Variants in EPHB3 observed in about 807,000 individuals in gnomAD.
The protein encoded by EPHB3 is EPH receptor B3, also known as ephrin type-B receptor 3.
EPHB3 carries 33 observed loss-of-function variants against 100.2 expected under a neutral mutation model. The ratio of observed to expected loss-of-function variants is 0.33; its 90% confidence interval spans 0.25 to 0.44. The LOEUF (loss-of-function observed/expected upper bound fraction) is 0.44, where lower values mean the gene tolerates loss of function less well. EPHB3 is among the 20% of genes least tolerant of loss of function. EPHB3 has a pLI of 1.00. For synonymous variants in EPHB3, 526 were observed against 554.7 expected (o/e 0.95, Z 0.73); for missense variants, 1,045 against 1,378.3 (o/e 0.76, Z 3.83).
Position 184,577,391 on chromosome 3 carries a change from G to C in EPHB3, c.1403G>C (p.Ser468Thr). 6.2e-7 allele frequency: 1 copy of C among 1,613,940 alleles called. No homozygotes were observed. The highest frequency in any genetic ancestry group is 8.5e-7 in the Non-Finnish European group (1 of 1,180,016). Reference protein sequence around the residue: ...TLRLHSSSGSSLTLSWAPPER... With the variant: ...TLRLHSSSGSTLTLSWAPPER... ...CGCCTGCACAGCAGCTCAGGCAGCA[G>C]CCTCACCCTATCCTGGGCACCCCCA... Residue 468 changes from serine (S) to threonine (T), a missense_variant, in exon 6 of 16, where the codon AGC becomes ACC. Ser to Thr is a moderately conservative substitution (Grantham distance 58, BLOSUM62 1). This residue lies in a region of EPHB3 where 985 missense variants were observed against 1,331.1 expected (regional missense o/e 0.74). Transcript: ENST00000330394. The surrounding 1 kb of genome is among the most constrained non-coding windows in gnomAD (Gnocchi z 4.9).
At chr3:184,575,332 C>G (rs1228953467) in intron 3 of EPHB3, 1 of 730,868 alleles carries the variant, frequency 1.4e-6, no homozygotes, top group Admixed American at 6.3e-5. Flanking sequence ...GAGCTGCTGC[C>G]TGCGCCTGGT....
chr3:184,564,345 T>C (rs987500934), intron 1 of EPHB3, among the ~76,000 whole-genome samples: 6 of 152,312 alleles, frequency 3.9e-5, no homozygotes, highest in African/African-American at 1.2e-4. Context: ...CTCTCTGGTC[T>C]CCAGTTCGTG....
rs9823034 is a variant in EPHB3 at position 184,575,822 on chromosome 3, T to C, written c.857-8T>C. 0.15 allele frequency: 230,254 copies of C among 1,585,982 alleles called. 17,543 individuals are homozygous for C. Among genetic ancestry groups the C allele is most frequent in the East Asian group, 0.19 (8,476 of 44,378 alleles). On this transcript the variant is annotated splice_polypyrimidine_tract_variant and splice_region_variant and intron_variant, in intron 3 of 15. Transcript: ENST00000330394. Reference sequence around the variant, plus strand: ...GGTGAGCCCCATTCATCCTCTTCTCTCCCACAGCCTGTCCCCCTGGGAGCT... The same window carrying C: ...GGTGAGCCCCATTCATCCTCTTCTCCCCCACAGCCTGTCCCCCTGGGAGCT...
intron 1 of EPHB3, among the ~76,000 whole-genome samples, chr3:184,566,273 C>G (rs1298829304): frequency 6.6e-6 from 1 of 152,238 alleles, no homozygotes; most frequent in Admixed American, 6.5e-5. Flanking sequence ...GGATGAGCAC[C>G]GAGGCGTTTG....
rs956295612 is a variant in EPHB3 at position 184,578,688 on chromosome 3, C to A, written c.1801+222C>A. On this transcript the variant is annotated intron_variant, in intron 9 of 15. Coordinates refer to ENST00000330394, the MANE Select transcript of EPHB3 (RefSeq NM_004443.4). The surrounding 1 kb of genome is among the most constrained non-coding windows in gnomAD (Gnocchi z 4.7). ...AAATGACTGAGACGTGACCTCTCCC[C>A]CTAAAGGCAGTTAGTCCTGTGGGAA... 2.6e-5 allele frequency among the ~76,000 whole-genome samples: 4 copies of A among 152,190 alleles called. No homozygotes were observed. Among genetic ancestry groups the A allele is most frequent in the African/African-American group, 4.8e-5 (2 of 41,426 alleles).
chr3:184,563,498 G>A lies in EPHB3; in HGVS notation c.118+1145G>A, dbSNP rs1277836831. ...CAGTCGGTAAACTTAAAGGTTGGAA[G>A]GAAAAAAGAACACAGTTCAGAGAGA... On this transcript the variant is annotated intron_variant, in intron 1 of 15. Coordinates refer to ENST00000330394, the MANE Select transcript of EPHB3 (RefSeq NM_004443.4). The surrounding 1 kb of genome is among the most constrained non-coding windows in gnomAD (Gnocchi z 4.1). Among the ~76,000 whole-genome samples the A allele has an allele frequency of 6.6e-6, 1 of 152,122 alleles. No individual in the cohort carries two copies. The highest frequency in any genetic ancestry group is 1.5e-5 in the Non-Finnish European group (1 of 68,016).
chr3:184,562,356 G>T lies in EPHB3; in HGVS notation c.118+3G>T, dbSNP rs971924472. 9.0e-6 allele frequency: 11 copies of T among 1,226,864 alleles called. No homozygotes were observed. The African/African-American group carries it at 1.7e-4, about 19-fold the overall frequency. 76.0% of individuals were successfully genotyped at this position (1,226,864 alleles called of 1,614,324 possible). On this transcript the variant is annotated splice_donor_region_variant and intron_variant, in intron 1 of 15. Transcript: ENST00000330394. This position sits in a 1 kb window ranked among gnomAD's most constrained non-coding sequence, Gnocchi z 4.8. ...CGCCGGCTGCCGGGCGCTGGAAGGT[G>T]AGCGGCGTCGGGGGGCGCGCCCGGG...
chr3:184,562,194 G>A lies in EPHB3; in HGVS notation c.-42G>A. On this transcript the variant is annotated 5_prime_UTR_variant, in exon 1 of 16. Coordinates refer to ENST00000330394, the MANE Select transcript of EPHB3 (RefSeq NM_004443.4). The surrounding 1 kb of genome is among the most constrained non-coding windows in gnomAD (Gnocchi z 4.8). ...GCCTGCAGCCCCGCCGGCGCGGCCC[G>A]GCCCGGCGCGGCCCGGCTCGGCTCC... 6.7e-6 allele frequency: 3 copies of A among 448,424 alleles called. No individual in the cohort carries two copies. The highest frequency in any genetic ancestry group is 9.1e-6 in the Non-Finnish European group (3 of 328,310). 27.8% of individuals were successfully genotyped at this position (448,424 alleles called of 1,614,324 possible).
rs370470577 is a variant in EPHB3, at chr3:184,573,055, C to G, written c.735C>G (p.Ala245=). The change falls in exon 3 of 16, where the codon GCC becomes GCG. Residue 245 remains alanine (A), a synonymous_variant. Transcript: ENST00000330394. This position sits in a 1 kb window ranked among gnomAD's most constrained non-coding sequence, Gnocchi z 4.5. ...VIAPGTCIPN[A]VEVSVPLKLY... ...CTCCTGGCACCTGCATCCCTAACGC[C>G]GTGGAGGTGTCGGTGCCACTCAAGC... 1 of 1,613,134 alleles carries G rather than the reference C, an allele frequency of 6.2e-7. No individual in the cohort carries two copies. The highest frequency in any genetic ancestry group is 1.3e-5 in the African/African-American group (1 of 74,950).
chr3:184,569,110 G>C lies in EPHB3; in HGVS notation c.119-2208G>C, dbSNP rs1461379976. The stretch of plus-strand genomic sequence containing the variant: ...ACAGTTCCAGATGGGTTTGGCACAG[G>C]CTGAGCAGAAGGAAGTGAGGGAGAG... On this transcript the variant is annotated intron_variant, in intron 1 of 15. Coordinates refer to ENST00000330394, the MANE Select transcript of EPHB3 (RefSeq NM_004443.4). The surrounding 1 kb of genome is among the most constrained non-coding windows in gnomAD (Gnocchi z 5.4). Among the ~76,000 whole-genome samples, 1 of 152,190 alleles carries C rather than the reference G, an allele frequency of 6.6e-6. No homozygotes were observed. The highest frequency in any genetic ancestry group is 1.9e-4 in the East Asian group (1 of 5,174).
chr3:184,576,769 T>C (rs868057603), intron 4 of EPHB3, 73 bp from the exon 5 acceptor site: 4 of 1,437,758 alleles, frequency 2.8e-6, no homozygotes, highest in Middle Eastern at 1.8e-4. Context: ...GATTGGAGTG[T>C]GCTGGAACTC....
At chr3:184,580,159 T>A (rs1714784018) in intron 11 of EPHB3, among the ~76,000 whole-genome samples, 1 of 152,188 alleles carries the variant, frequency 6.6e-6, no homozygotes, top group Non-Finnish European at 1.5e-5. Flanking sequence ...CCTCTTTGAG[T>A]CTCAGCTGCC....
chr3:184,580,608 C>A lies in EPHB3; in HGVS notation c.2379C>A (p.Thr793=). The change falls in exon 12 of 16, where the codon ACC becomes ACA. Residue 793 remains threonine (T), a synonymous_variant. Coordinates refer to ENST00000330394, the MANE Select transcript of EPHB3 (RefSeq NM_004443.4). ...ATGACCCCTCCGATCCTACCTACACCAGTTCCCTGGTACAGGAAGCCGCTG... is the reference window on the plus strand; with the variant it reads ...ATGACCCCTCCGATCCTACCTACACAAGTTCCCTGGTACAGGAAGCCGCTG... The part of the protein sequence containing the change: ...LEDDPSDPTY[T]SSLGGKIPIR... 1.2e-6 allele frequency: 2 copies of A among 1,613,598 alleles called. No homozygotes were observed. Among genetic ancestry groups the A allele is most frequent in the South Asian group, 1.1e-5 (1 of 91,072 alleles).
intron 1 of EPHB3, among the ~76,000 whole-genome samples, chr3:184,570,981 T>G (rs1421684892): frequency 6.6e-6 from 1 of 150,464 alleles, no homozygotes; most frequent in Non-Finnish European, 1.5e-5. Context: ...TTAGACAGAG[T>G]TTCTCTCTCT....
Position 184,581,693 on chromosome 3 carries a change from G to C in EPHB3, c.*71G>C. 7.1e-7 allele frequency: 1 copy of C among 1,405,384 alleles called. No homozygotes were observed. The highest frequency in any genetic ancestry group is 9.5e-7 in the Non-Finnish European group (1 of 1,051,440). 87.1% of individuals were successfully genotyped at this position (1,405,384 alleles called of 1,614,324 possible). A position where few individuals can be genotyped will look rare whatever the true frequency, so the allele number is the denominator to read the frequency against. ...CAGCCGGCTGGACTTTCGGACTCTTGGACTTTTGGATGCCTGGCCTTAGGC... is the reference window on the plus strand; with the variant it reads ...CAGCCGGCTGGACTTTCGGACTCTTCGACTTTTGGATGCCTGGCCTTAGGC... On this transcript the variant is annotated 3_prime_UTR_variant, in exon 16 of 16. Coordinates refer to ENST00000330394, the MANE Select transcript of EPHB3 (RefSeq NM_004443.4).
intron 1 of EPHB3, among the ~76,000 whole-genome samples, chr3:184,566,029 G>A (rs6797404): frequency 6.6e-6 from 1 of 152,212 alleles, no homozygotes; most frequent in Non-Finnish European, 1.5e-5. Context: ...GGGCAGCTGG[G>A]GGGGGTGAAG....
At chr3:184,570,535 A>C (rs1714512008) in intron 1 of EPHB3, among the ~76,000 whole-genome samples, 3 of 152,242 alleles carry the variant, frequency 2.0e-5, no homozygotes. Context: ...CTCAAAGCGC[A>C]TCCCTGCCCC....
At position 184,575,887 on chromosome 3, in the gene EPHB3, C is replaced by A. The variant is rs886285968; in HGVS notation, c.914C>A (p.Pro305His). ...GGAGAGGGGCCCTGCCTCCCATGTC[C>A]CCCCAACAGCCGTACCACCTCCCCA... ...KQGEGPCLPC[P>H]PNSRTTSPAA... Residue 305 changes from proline to histidine, a missense_variant, in exon 4 of 16, where the codon CCC becomes CAC. This residue lies in a region of EPHB3 where 985 missense variants were observed against 1,331.1 expected (regional missense o/e 0.74). Coordinates refer to ENST00000330394, the MANE Select transcript of EPHB3 (RefSeq NM_004443.4). The A allele has an allele frequency of 6.2e-7, 1 of 1,613,648 alleles. No individual in the cohort carries two copies. The highest frequency in any genetic ancestry group is 1.1e-5 in the South Asian group (1 of 91,024).
In EPHB3 at chr3:184,576,867, G is replaced by A. The variant is rs1714688620; in HGVS notation, c.1038G>A (p.Val346=). The part of the protein sequence containing the change: ...CTTVPSPPRG[V]ISNVNETSLI... ...CCGTGCCATCTCCACCCCGAGGTGT[G>A]ATCTCCAATGTGAATGAAACCTCAC... is the stretch of plus-strand genomic sequence containing the variant. Residue 346 remains valine (V), a synonymous_variant, in exon 5 of 16, where the codon GTG becomes GTA. Coordinates refer to ENST00000330394, the MANE Select transcript of EPHB3 (RefSeq NM_004443.4). 1 of 1,551,806 alleles carries A rather than the reference G, an allele frequency of 6.4e-7. No homozygotes were observed. The highest frequency in any genetic ancestry group is 8.7e-7 in the Non-Finnish European group (1 of 1,145,022).
Sources: gnomAD v4.1 joint callset for allele counts (sites outside exome capture counted in the v4.1 genomes callset) on GRCh38, gnomAD v4.1.1 for gene constraint, gnomAD v4.1.1 regional missense constraint, Gnocchi (gnomAD v3.1) non-coding constraint, MANE v1.5 for transcripts, NCBI Gene and HGNC (gene_info 2026-07-23, HGNC 2026-07-21) for gene names.